PTPA: variants seen among roughly 807,000 people sequenced by gnomAD.
The protein encoded by PTPA is serine/threonine-protein phosphatase 2A activator.
A neutral mutation model predicts 43.6 loss-of-function variants in PTPA; 13 were observed. The ratio of observed to expected loss-of-function variants is 0.30; its 90% CI spans 0.19 to 0.47. The LOEUF (loss-of-function observed/expected upper bound fraction) is 0.47, where lower values mean the gene tolerates loss of function less well. Among genes scored for constraint, PTPA ranks in the 20% least tolerant of loss-of-function variants. The probability of loss-of-function intolerance (pLI) is 0.99; values close to 1 mark genes in which losing one functional copy is unlikely to be tolerated. For synonymous variants in PTPA, 172 were observed against 158.2 expected (o/e 1.09, Z -0.66); for missense variants, 329 against 411.9 (o/e 0.80, Z 1.74).
chr9:129,111,242 CA>C, upstream of PTPA: 5 of 1,148,804 alleles, frequency 4.4e-6, no homozygotes, highest in South Asian at 8.9e-5. Flanking sequence ...TGACGCCCCG[CA>C]CAATCGTGGC....
chr9:129,111,621 G>A lies in PTPA; in HGVS notation c.21G>A (p.Gln7=), dbSNP rs945106750. Residue 7 remains glutamine (Q), a synonymous_variant, in exon 1 of 10, where the codon CAG becomes CAA. Coordinates refer to ENST00000393370, the MANE Select transcript of PTPA (RefSeq NM_178000.3). MAEGER[Q]PPPDSSEEAP... ...GCAAGATGGCTGAGGGCGAGCGGCA[G>A]CCGCCGCCAGGTAAGGCCGGCGGGG... 6.8e-5 allele frequency: 87 copies of A among 1,276,128 alleles called. No individual in the cohort carries two copies. The highest frequency in any genetic ancestry group is 8.4e-5 in the Non-Finnish European group (84 of 1,003,210). 79.1% of individuals were successfully genotyped at this position (1,276,128 alleles called of 1,614,324 possible).
chr9:129,121,028 A>C (rs1415368266), intron 2 of PTPA, among the ~76,000 whole-genome samples: 2 of 152,220 alleles, frequency 1.3e-5, no homozygotes, highest in African/African-American at 4.8e-5. Flanking sequence ...GATATGGCTA[A>C]GCCTGCAAAT....
At chr9:129,142,383 G>A (rs1850938128) in intron 8 of PTPA, 62 bp from the exon 9 acceptor site, 20 of 1,468,646 alleles carry the variant, frequency 1.4e-5, no homozygotes, top group Non-Finnish European at 1.8e-5. Context: ...TTTGCTGCAG[G>A]GGAGGAGGGA....
chr9:129,131,631 A>G lies in PTPA; in HGVS notation c.452A>G (p.Tyr151Cys), dbSNP rs1165479102. 6.2e-7 allele frequency: 1 copy of G among 1,613,862 alleles called. No individual in the cohort carries two copies. Among genetic ancestry groups the G allele is most frequent in the Non-Finnish European group, 8.5e-7 (1 of 1,179,724 alleles). Residue 151 changes from tyrosine to cysteine, a missense_variant, in exon 5 of 10, where the codon TAC (tyrosine) becomes TGC (cysteine). Tyr to Cys is a radical substitution (Grantham distance 194). Transcript: ENST00000393370. ...GTGGGGAACTCCACGCGCATTGACT[A>G]CGGCACAGGTATCTGCTGCTTGTGG... ...ESVGNSTRID[Y>C]GTGHEAAFAA... is the part of the protein sequence containing the mutation.
intron 9 of PTPA, chr9:129,143,294 G>T: frequency 1.4e-6 from 1 of 702,916 alleles, no homozygotes; most frequent in South Asian, 1.5e-5. Flanking sequence ...AGAACTGCTT[G>T]ACCTTGGCCA....
At chr9:129,140,151 TGTGA>T (rs751376128) in intron 8 of PTPA, 3 of 152,140 alleles carry the variant, frequency 2.0e-5, no homozygotes, top group Non-Finnish European at 2.9e-5. Flanking sequence ...ACGCAGCGTC[TGTGA>T]GTAATTTCCT....
intron 9 of PTPA, chr9:129,142,869 G>T (rs1252649800): frequency 5.3e-6 from 8 of 1,517,748 alleles, no homozygotes; most frequent in Non-Finnish European, 7.0e-6. Context: ...TTATCAAGTG[G>T]CCAAAGGCTC....
In PTPA at chr9:129,142,445, A is replaced by G. The variant is rs1335570939; in HGVS notation, c.787A>G (p.Met263Val). Residue 263 changes from methionine (M) to valine (V), a missense_variant and splice_region_variant, in exon 9 of 10, where the codon ATG becomes GTG. Transcript: ENST00000393370. ...FLECILFITE[M>V]KTGPFAEHSN... The stretch of plus-strand genomic sequence containing the variant: ...TCAGCTTGTGGCTTCTCTTTTTCAG[A>G]TGAAGACTGGCCCATTTGCAGAGCA... The G allele has an allele frequency of 1.3e-6, 2 of 1,570,680 alleles. No individual in the cohort carries two copies. The highest frequency in any genetic ancestry group is 1.2e-5 in the South Asian group (1 of 86,068).
At chr9:129,127,675 C>T (rs1849669174) in intron 3 of PTPA, among the ~76,000 whole-genome samples, 1 of 152,196 alleles carries the variant, frequency 6.6e-6, no homozygotes, top group Non-Finnish European at 1.5e-5. Context: ...CTGCCCGCAC[C>T]TCTGACTCCG....
intron 7 of PTPA, 84 bp from the exon 8 acceptor site, chr9:129,137,508 C>T: frequency 8.9e-7 from 1 of 1,118,864 alleles, no homozygotes; most frequent in South Asian, 1.5e-5. Context: ...ACTGAGGCCC[C>T]TGGGGGGGTG....
At chr9:129,120,731 G>T in intron 2 of PTPA, 121 bp downstream of exon 2, 1 of 791,270 alleles carries the variant, frequency 1.3e-6, no homozygotes. Context: ...AGAAGCTAGG[G>T]AGAAAGGTGA....
At chr9:129,120,941 T>A (rs1014169035) in intron 2 of PTPA, among the ~76,000 whole-genome samples, 1 of 152,210 alleles carries the variant, frequency 6.6e-6, no homozygotes, top group Non-Finnish European at 1.5e-5. Flanking sequence ...CTTTGATTCT[T>A]GGCTGCAAGT....
At chr9:129,138,772 T>C (rs1012050426) in intron 8 of PTPA, among the ~76,000 whole-genome samples, 1 of 152,196 alleles carries the variant, frequency 6.6e-6, no homozygotes, top group Admixed American at 6.5e-5. Flanking sequence ...CTGGTCAACA[T>C]TCGGCTCAGG....
At chr9:129,141,062 T>G (rs958991547) in intron 8 of PTPA, among the ~76,000 whole-genome samples, 3 of 152,054 alleles carry the variant, frequency 2.0e-5, no homozygotes, top group African/African-American at 7.2e-5. Flanking sequence ...GGGAGGAGCC[T>G]GTTGTCCTTG....
At chr9:129,141,133 G>A (rs1181029841) in intron 8 of PTPA, among the ~76,000 whole-genome samples, 1 of 152,116 alleles carries the variant, frequency 6.6e-6, no homozygotes, top group Non-Finnish European at 1.5e-5. Context: ...AGGGAAATGA[G>A]GGGGATAAAA....
intron 3 of PTPA, among the ~76,000 whole-genome samples, chr9:129,125,885 A>G (rs1705911222): frequency 6.6e-6 from 1 of 152,210 alleles, no homozygotes; most frequent in Non-Finnish European, 1.5e-5. Context: ...GCGGTGGCTC[A>G]TGACTGTAAT....
At chr9:129,124,543 T>A (rs569695025) in intron 3 of PTPA, among the ~76,000 whole-genome samples, 10 of 152,196 alleles carry the variant, frequency 6.6e-5, no homozygotes, top group African/African-American at 2.4e-4. Flanking sequence ...TGGGTGCTTT[T>A]TGGACGTTGT....
At chr9:129,127,005 T>C (rs1849622944) in intron 3 of PTPA, among the ~76,000 whole-genome samples, 1 of 152,150 alleles carries the variant, frequency 6.6e-6, no homozygotes, top group Non-Finnish European at 1.5e-5. Context: ...TGCCATCCAT[T>C]GTAAGCCCCC....
chr9:129,129,684 T>A (rs4836637), intron 4 of PTPA, among the ~76,000 whole-genome samples: 1,821 of 152,260 alleles, frequency 0.012, 49 homozygotes, highest in East Asian at 0.12. Context: ...TTAGCCAGGA[T>A]GGTCTTGATC....
Sources: allele counts gnomAD v4.1 joint callset (sites outside exome capture counted in the v4.1 genomes callset), GRCh38; gene constraint gnomAD v4.1.1; transcripts MANE v1.5; gene names NCBI Gene and HGNC (gene_info 2026-07-23, HGNC 2026-07-21).